IGSF3: variants seen among roughly 807,000 people sequenced by gnomAD.
IGSF3 encodes the protein glu-Trp-Ile EWI motif-containing protein 3.
IGSF3 carries 23 observed loss-of-function variants against 114.4 expected under a neutral mutation model. The observed-to-expected ratio is 0.20, with a 90% CI of 0.14 to 0.28. The LOEUF is 0.28. Ranked by LOEUF, IGSF3 falls within the 10% of genes least tolerant of loss-of-function variation. The pLI is 1.00. For missense variants in IGSF3, 1,172 were observed against 1,591.5 expected (o/e 0.74, Z 4.48); for synonymous variants, 571 against 645.2 (o/e 0.88, Z 1.74).
rs1649285190 is a variant in IGSF3, at chr1:116,665,330, T to C, written c.43+954A>G. 1.3e-5 allele frequency among the ~76,000 whole-genome samples: 2 copies of C among 152,136 alleles called. No individual in the cohort carries two copies. The highest frequency in any genetic ancestry group is 6.5e-5 in the Admixed American group (1 of 15,284). On this transcript the variant is annotated intron_variant, in intron 2 of 10. Coordinates refer to ENST00000369486, the MANE Select transcript of IGSF3 (RefSeq NM_001007237.3). The surrounding 1 kb of genome is among the most constrained non-coding windows in gnomAD (Gnocchi z 4.0). ...ACGTGAACCCTGTAGGCAACAATCA[T>C]AATCCCTTCTGAATGCAGAGGACCG... is the stretch of plus-strand genomic sequence containing the variant.
At chr1:116,606,581 C>A in intron 5 of IGSF3, 1 of 779,302 alleles carries the variant, frequency 1.3e-6, no homozygotes, top group South Asian at 1.4e-5. Context: ...GGCCACAGAT[C>A]ATCAAACAAG....
Position 116,603,639 on chromosome 1 carries a change from A to G in IGSF3, c.1609T>C (p.Ser537Pro). The change falls in exon 6 of 11, where the codon TCC (serine) becomes CCC (proline). Residue 537 changes from serine to proline, a missense_variant. Around this residue, in one of 3 missense-constraint regions of IGSF3, gnomAD observed 736 missense variants for 1,042.0 expected, o/e 0.71. Transcript: ENST00000369486. This position sits in a 1 kb window ranked among gnomAD's most constrained non-coding sequence, Gnocchi z 7.1. Reference protein sequence around the residue: ...VGERRASTPISITALEMGFAV... With the variant: ...VGERRASTPIPITALEMGFAV... ...GCTCACTCACCAAGAGCTGTGATGG[A>G]GATGGGAGTGCTGGCCCGGCGCTCC... The G allele has an allele frequency of 6.2e-7, 1 of 1,613,544 alleles. No individual in the cohort carries two copies. Among genetic ancestry groups the G allele is most frequent in the African/African-American group, 1.3e-5 (1 of 75,018 alleles).
At chr1:116,652,757 C>T (rs887106065) in intron 2 of IGSF3, among the ~76,000 whole-genome samples, 1 of 152,212 alleles carries the variant, frequency 6.6e-6, no homozygotes, top group African/African-American at 2.4e-5. Flanking sequence ...TGTCAGGGAA[C>T]ACCACTGACC....
At position 116,585,965 on chromosome 1, in the gene IGSF3, A is replaced by C. The variant is rs1659825944; in HGVS notation, c.2441-913T>G. Among the ~76,000 whole-genome samples, 1 of 152,246 alleles carries C rather than the reference A, an allele frequency of 6.6e-6. No homozygotes were observed. The highest frequency in any genetic ancestry group is 1.5e-5 in the Non-Finnish European group (1 of 68,036). On this transcript the variant is annotated intron_variant, in intron 8 of 10. Transcript: ENST00000369486. The surrounding 1 kb of genome is among the most constrained non-coding windows in gnomAD (Gnocchi z 4.9). ...GGGTGCTTTGAAAACTCAGCCAAGC[A>C]GAGTCTCCTCCAGTAGAAAAATGTC...
Position 116,579,377 on chromosome 1 carries a change from A to G in IGSF3, c.3334+15T>C. 1.9e-6 allele frequency: 3 copies of G among 1,539,600 alleles called. No individual in the cohort carries two copies. Among genetic ancestry groups the G allele is most frequent in the Non-Finnish European group, 2.6e-6 (3 of 1,142,910 alleles). ...ACCAACAGTGACATCCTCCCTCTGT[A>G]CTTGGGAAACTCACTTGTATCTAGA... On this transcript the variant is annotated intron_variant, in intron 10 of 10. Transcript: ENST00000369486. The surrounding 1 kb of genome is among the most constrained non-coding windows in gnomAD (Gnocchi z 6.4).
At chr1:116,626,922 CT>C (rs1407068298) in intron 2 of IGSF3, among the ~76,000 whole-genome samples, 1 of 152,182 alleles carries the variant, frequency 6.6e-6, no homozygotes, top group Non-Finnish European at 1.5e-5. Flanking sequence ...GGAATAGACA[CT>C]TTTTTCAGCC....
At position 116,636,726 on chromosome 1, in the gene IGSF3, C is replaced by T. The variant is rs1647849910; in HGVS notation, c.44-20269G>A. Among the ~76,000 whole-genome samples the T allele has an allele frequency of 6.6e-6, 1 of 152,236 alleles. No homozygotes were observed. The highest frequency in any genetic ancestry group is 2.1e-4 in the South Asian group (1 of 4,820). On this transcript the variant is annotated intron_variant, in intron 2 of 10. Transcript: ENST00000369486. The surrounding 1 kb of genome is among the most constrained non-coding windows in gnomAD (Gnocchi z 4.5). Reference sequence around the variant, plus strand: ...GTCTTTTGCCTCGAAGCACAGGGCCCTCCTTCTGTCCCACCCAGCTTTCTC... The same window carrying T: ...GTCTTTTGCCTCGAAGCACAGGGCCTTCCTTCTGTCCCACCCAGCTTTCTC...
chr1:116,657,756 C>G lies in IGSF3; in HGVS notation c.43+8528G>C, dbSNP rs544111758. ...AGCAGAGACAGTGTTCTCAGAGTTG[C>G]TATCAAAAAGGAGGCCGCAGACTGC... On this transcript the variant is annotated intron_variant, in intron 2 of 10. Transcript: ENST00000369486. This position sits in a 1 kb window ranked among gnomAD's most constrained non-coding sequence, Gnocchi z 4.2. Among the ~76,000 whole-genome samples, 2 of 152,200 alleles carry G rather than the reference C, an allele frequency of 1.3e-5. No homozygotes were observed. The highest frequency in any genetic ancestry group is 6.5e-5 in the Admixed American group (1 of 15,280).
In IGSF3 at chr1:116,592,812, C is replaced by T. The variant is rs1660174453; in HGVS notation, c.2030-3708G>A. On this transcript the variant is annotated intron_variant, in intron 7 of 10. Transcript: ENST00000369486. The surrounding 1 kb of genome is among the most constrained non-coding windows in gnomAD (Gnocchi z 4.5). ...AGCATATGCAGGGCAGGGACTCTGA[C>T]CCAATCATTGTTAAACTAATCAATG... Among the ~76,000 whole-genome samples, 1 of 152,132 alleles carries T rather than the reference C, an allele frequency of 6.6e-6. No homozygotes were observed. Among genetic ancestry groups the T allele is most frequent in the Admixed American group, 6.5e-5 (1 of 15,272 alleles).
Position 116,584,925 on chromosome 1 carries a change from T to C in IGSF3, c.2568A>G (p.Val856=), listed in dbSNP as rs770494779. The C allele has an allele frequency of 1.2e-6, 2 of 1,613,836 alleles. No homozygotes were observed. Among genetic ancestry groups the C allele is most frequent in the African/African-American group, 1.3e-5 (1 of 75,062 alleles). The change falls in exon 9 of 11, where the codon GTA becomes GTG. Residue 856 remains valine (V), a synonymous_variant. Coordinates refer to ENST00000369486, the MANE Select transcript of IGSF3 (RefSeq NM_001007237.3). The surrounding 1 kb of genome is among the most constrained non-coding windows in gnomAD (Gnocchi z 5.8). ...CCCGCTCAGGGTGGTTGGGCTTCCA[T>C]ACAAACCATTCCACCATGAGCTGGG... ...ITSQLMVEWF[V]WKPNHPERET...
At position 116,584,439 on chromosome 1, in the gene IGSF3, A is replaced by G. The variant is rs922613338; in HGVS notation, c.2848+206T>C. On this transcript the variant is annotated intron_variant, in intron 9 of 10. Coordinates refer to ENST00000369486, the MANE Select transcript of IGSF3 (RefSeq NM_001007237.3). The surrounding 1 kb of genome is among the most constrained non-coding windows in gnomAD (Gnocchi z 5.8). ...TTTATTCTATTTAAGAAATCAAATC[A>G]CCTTAGGCCAAAGCCAGACGTGCAA... The G allele has an allele frequency of 3.7e-6, 2 of 546,422 alleles. No individual in the cohort carries two copies. Among genetic ancestry groups the G allele is most frequent in the Admixed American group, 6.4e-5 (2 of 31,022 alleles). The allele number at this position is 546,422 out of a possible 1,614,324, so 33.8% of individuals were successfully genotyped here. A position where few individuals can be genotyped will look rare whatever the true frequency, so the allele number is the denominator to read the frequency against.
At position 116,603,476 on chromosome 1, in the gene IGSF3, G is replaced by C; in HGVS notation, c.1624+148C>G. 1 of 750,838 alleles carries C rather than the reference G, an allele frequency of 1.3e-6. No individual in the cohort carries two copies. Among genetic ancestry groups the C allele is most frequent in the Non-Finnish European group, 2.2e-6 (1 of 462,330 alleles). 46.5% of individuals were successfully genotyped at this position (750,838 alleles called of 1,614,324 possible). A position where few individuals can be genotyped will look rare whatever the true frequency, so the allele number is the denominator to read the frequency against. On this transcript the variant is annotated intron_variant, in intron 6 of 10. Transcript: ENST00000369486. This position sits in a 1 kb window ranked among gnomAD's most constrained non-coding sequence, Gnocchi z 7.1. ...TTAAACCCTTATAAGAAATAAAATA[G>C]ACATAAAGGAAAGTACTTCAAACTC...
At position 116,585,781 on chromosome 1, in the gene IGSF3, G is replaced by T. The variant is rs1236997498; in HGVS notation, c.2441-729C>A. ...TACTAAAAATACAAAAATTAGCCAGGTGTGGTGGTGTGCGCCTGTAATCCC... is the reference window on the plus strand; with the variant it reads ...TACTAAAAATACAAAAATTAGCCAGTTGTGGTGGTGTGCGCCTGTAATCCC... On this transcript the variant is annotated intron_variant, in intron 8 of 10. Coordinates refer to ENST00000369486, the MANE Select transcript of IGSF3 (RefSeq NM_001007237.3). The surrounding 1 kb of genome is among the most constrained non-coding windows in gnomAD (Gnocchi z 4.9). 6.6e-6 allele frequency among the ~76,000 whole-genome samples: 1 copy of T among 152,088 alleles called. No homozygotes were observed. Among genetic ancestry groups the T allele is most frequent in the Non-Finnish European group, 1.5e-5 (1 of 68,012 alleles).
rs115569987 is a variant in IGSF3 at position 116,593,146 on chromosome 1, G to A, written c.2030-4042C>T. 4.3e-3 allele frequency among the ~76,000 whole-genome samples: 660 copies of A among 152,336 alleles called. 5 individuals carry two copies. Among genetic ancestry groups the A allele is most frequent in the African/African-American group, 0.015 (638 of 41,574 alleles). On this transcript the variant is annotated intron_variant, in intron 7 of 10. Coordinates refer to ENST00000369486, the MANE Select transcript of IGSF3 (RefSeq NM_001007237.3). The surrounding 1 kb of genome is among the most constrained non-coding windows in gnomAD (Gnocchi z 4.5). ...ACCACCTGTGGCCCTCAGGGTGCAC[G>A]CCATGGATCTGCAGATCAGCATCAC...
chr1:116,663,759 C>T (rs964287047), intron 2 of IGSF3, among the ~76,000 whole-genome samples: 2 of 152,106 alleles, frequency 1.3e-5, no homozygotes, highest in African/African-American at 2.4e-5. Context: ...CTGTATACCC[C>T]TCACATACTG....
chr1:116,613,005 A>C (rs1488300899), intron 4 of IGSF3, among the ~76,000 whole-genome samples: 1 of 152,186 alleles, frequency 6.6e-6, no homozygotes, highest in Admixed American at 6.5e-5. Context: ...TAAAGACATC[A>C]TGCAACCTCC....
chr1:116,580,028 G>T, intron 9 of IGSF3, 151 bp from the exon 10 acceptor site: 1 of 739,556 alleles, frequency 1.4e-6, no homozygotes, highest in Non-Finnish European at 2.1e-6. Context: ...TGCTACAGGT[G>T]GAAGTTGATC....
At chr1:116,640,037 CAA>C (rs34003833) in intron 2 of IGSF3, among the ~76,000 whole-genome samples, 15 of 65,276 alleles carry the variant, frequency 2.3e-4, no homozygotes, top group East Asian at 5.3e-4. Context: ...GACTCTATCT[CAA>C]AAAAAAAAAA....
chr1:116,580,671 C>G (rs530387396), intron 9 of IGSF3, among the ~76,000 whole-genome samples: 1 of 152,386 alleles, frequency 6.6e-6, no homozygotes, highest in African/African-American at 2.4e-5. Flanking sequence ...CTCAGACTTC[C>G]AGCCTCTAGG....
Sources: gnomAD v4.1 joint callset for allele counts (sites outside exome capture counted in the v4.1 genomes callset) on GRCh38, gnomAD v4.1.1 for gene constraint, gnomAD v4.1.1 regional missense constraint, Gnocchi (gnomAD v3.1) non-coding constraint, MANE v1.5 for transcripts, NCBI Gene and HGNC (gene_info 2026-07-23, HGNC 2026-07-21) for gene names.